NEMP2: variants seen among roughly 807,000 people sequenced by gnomAD.
The protein encoded by NEMP2 is UPF0571 transmembrane protein.
A neutral mutation model predicts 54.2 loss-of-function variants in NEMP2; 53 were observed. The observed-to-expected ratio is 0.98, with a 90% CI of 0.78 to 1.23. The LOEUF (loss-of-function observed/expected upper bound fraction) is 1.23. NEMP2 is among the 50% of genes most tolerant of loss of function. The pLI is 0.00. For synonymous variants in NEMP2, 197 were observed against 190.3 expected (o/e 1.04, Z -0.29); for missense variants, 455 against 511.3 (o/e 0.89, Z 1.06).
chr2:190,579,028 T>C, the NEMP2 span, among the ~76,000 whole-genome samples: 2 of 152,182 alleles, frequency 1.3e-5, no homozygotes, highest in African/African-American at 2.4e-5. Flanking sequence ...ATGTGTTTGC[T>C]TATATATTAT....
chr2:190,637,555 C>G, the NEMP2 span, among the ~76,000 whole-genome samples: 1 of 152,226 alleles, frequency 6.6e-6, no homozygotes, highest in African/African-American at 2.4e-5. This position sits in a 1 kb window ranked among gnomAD's most constrained non-coding sequence, Gnocchi z 4.5. Flanking sequence ...TAAGTTACTG[C>G]TCATGTTTAT....
chr2:190,496,695 CAT>C, the NEMP2 span, among the ~76,000 whole-genome samples: 1 of 151,526 alleles, frequency 6.6e-6, no homozygotes, highest in Non-Finnish European at 1.5e-5. This position sits in a 1 kb window ranked among gnomAD's most constrained non-coding sequence, Gnocchi z 4.7. Context: ...CACACACACA[CAT>C]ATACATACAT....
At chr2:190,551,952 A>T in the NEMP2 span, among the ~76,000 whole-genome samples, 4 of 152,050 alleles carry the variant, frequency 2.6e-5, no homozygotes, top group Non-Finnish European at 5.9e-5. Flanking sequence ...CTCCATTTTG[A>T]TTCCACTTGG....
At chr2:190,516,637 T>C (rs1690568431) in intron 5 of NEMP2, among the ~76,000 whole-genome samples, 1 of 152,128 alleles carries the variant, frequency 6.6e-6, no homozygotes, top group Admixed American at 6.6e-5. Context: ...TCAACAAGAT[T>C]CCCATCTAGC....
chr2:190,516,113 G>A (rs1690546665), intron 6 of NEMP2, among the ~76,000 whole-genome samples, 157 bp downstream of exon 6: 1 of 152,088 alleles, frequency 6.6e-6, no homozygotes, highest in Admixed American at 6.6e-5. Context: ...CAACAACAAT[G>A]GGAATAAGAT....
At chr2:190,544,731 G>T in the NEMP2 span, among the ~76,000 whole-genome samples, 151 of 152,172 alleles carry the variant, frequency 9.9e-4, no homozygotes, top group African/African-American at 3.4e-3. Context: ...CAAATACAGT[G>T]CATCTAAGAG....
chr2:190,630,609 A>G, the NEMP2 span, among the ~76,000 whole-genome samples: 1 of 152,040 alleles, frequency 6.6e-6, no homozygotes, highest in Non-Finnish European at 1.5e-5. This position sits in a 1 kb window ranked among gnomAD's most constrained non-coding sequence, Gnocchi z 5.5. Flanking sequence ...AAATCCTTAA[A>G]TCTTTTTTTT....
chr2:190,630,476 A>G, the NEMP2 span, among the ~76,000 whole-genome samples: 9 of 152,148 alleles, frequency 5.9e-5, no homozygotes, highest in Admixed American at 1.3e-4. This position sits in a 1 kb window ranked among gnomAD's most constrained non-coding sequence, Gnocchi z 5.5. Context: ...TCAGCCTCCC[A>G]AAGTGCTGGG....
chr2:190,545,469 G>A, the NEMP2 span, among the ~76,000 whole-genome samples: 9 of 152,268 alleles, frequency 5.9e-5, no homozygotes, highest in East Asian at 5.8e-4. Context: ...GCAGATATCC[G>A]TTTAGTTTAA....
At chr2:190,582,920 G>A in the NEMP2 span, among the ~76,000 whole-genome samples, 1 of 152,160 alleles carries the variant, frequency 6.6e-6, no homozygotes, top group Admixed American at 6.5e-5. The surrounding 1 kb of genome is among the most constrained non-coding windows in gnomAD (Gnocchi z 4.6). Context: ...GTCTGGTCAG[G>A]CCCTGACACT....
chr2:190,450,258 A>G, the NEMP2 span, among the ~76,000 whole-genome samples: 1 of 152,118 alleles, frequency 6.6e-6, no homozygotes, highest in Non-Finnish European at 1.5e-5. Flanking sequence ...GCAGACTGCA[A>G]TTATATAATT....
At chr2:190,516,552 C>A (rs971159554) in intron 5 of NEMP2, among the ~76,000 whole-genome samples, 168 bp from the exon 6 acceptor site, 5 of 152,174 alleles carry the variant, frequency 3.3e-5, no homozygotes, top group African/African-American at 1.2e-4. Flanking sequence ...ATCAGCAACA[C>A]CGACATCACA....
chr2:190,474,674 C>T, the NEMP2 span, among the ~76,000 whole-genome samples: 1 of 152,164 alleles, frequency 6.6e-6, no homozygotes, highest in Non-Finnish European at 1.5e-5. Context: ...TGAAACTATT[C>T]CAATCAAGAG....
Position 190,520,337 on chromosome 2 carries a change from CAGA to C in NEMP2, c.214-1157_214-1155del, listed in dbSNP as rs1055153070. On this transcript the variant is annotated intron_variant, in intron 2 of 8. Coordinates refer to ENST00000409150, the MANE Select transcript of NEMP2 (RefSeq NM_001142645.2). This position sits in a 1 kb window ranked among gnomAD's most constrained non-coding sequence, Gnocchi z 5.4. The stretch of plus-strand genomic sequence containing the variant: ...CCAACCTCAGGTCCTATTCACATCA[CAGA>C]ACAAAGCACTAGCTACAAGCCGATG... Among the ~76,000 whole-genome samples, 31 of 152,210 alleles carry C rather than the reference CAGA, an allele frequency of 2.0e-4. No homozygotes were observed. The highest frequency in any genetic ancestry group is 5.9e-4 in the Admixed American group (9 of 15,282).
Position 190,521,315 on chromosome 2 carries a change from T to G in NEMP2, c.214-2132A>C, listed in dbSNP as rs777924805. 1.1e-4 allele frequency among the ~76,000 whole-genome samples: 16 copies of G among 152,144 alleles called. No homozygotes were observed. Among genetic ancestry groups the G allele is most frequent in the Non-Finnish European group, 2.1e-4 (14 of 68,024 alleles). On this transcript the variant is annotated intron_variant, in intron 2 of 8. Transcript: ENST00000409150. This position sits in a 1 kb window ranked among gnomAD's most constrained non-coding sequence, Gnocchi z 6.2. ...TCCTATCTGCAAAGCCACCTACCTG[T>G]CAGCACCTGCAGGCACATGCTCTGC...
chr2:190,604,154 T>C, the NEMP2 span, among the ~76,000 whole-genome samples: 2 of 152,178 alleles, frequency 1.3e-5, no homozygotes, highest in Non-Finnish European at 2.9e-5. The surrounding 1 kb of genome is among the most constrained non-coding windows in gnomAD (Gnocchi z 4.5). Flanking sequence ...GCCTCCTTCC[T>C]TCTCTCCCCC....
chr2:190,554,466 G>A, the NEMP2 span, among the ~76,000 whole-genome samples: 2 of 152,198 alleles, frequency 1.3e-5, no homozygotes, highest in African/African-American at 4.8e-5. The surrounding 1 kb of genome is among the most constrained non-coding windows in gnomAD (Gnocchi z 5.7). Context: ...GGAGCTTGGT[G>A]GAGGGAAGGG....
At position 190,519,006 on chromosome 2, in the gene NEMP2, A is replaced by T; in HGVS notation, c.391T>A (p.Ser131Thr). The change falls in exon 3 of 9, where the codon TCT becomes ACT. Residue 131 changes from serine to threonine, a missense_variant. Ser to Thr is a moderately conservative substitution (Grantham distance 58). Around this residue, in one of 3 missense-constraint regions of NEMP2, gnomAD observed 61 missense variants for 97.5 expected, o/e 0.63. Coordinates refer to ENST00000409150, the MANE Select transcript of NEMP2 (RefSeq NM_001142645.2). This position sits in a 1 kb window ranked among gnomAD's most constrained non-coding sequence, Gnocchi z 5.4. ...INPYRETVCF[S>T]VEPVKKIFNY... Reference sequence around the variant, plus strand: ...AATATCTTCTTGACAGGCTCCACAGAGAAGCACACAGTCTCCCTGTATGGA... The same window carrying T: ...AATATCTTCTTGACAGGCTCCACAGTGAAGCACACAGTCTCCCTGTATGGA... The T allele has an allele frequency of 6.4e-7, 1 of 1,551,442 alleles. No homozygotes were observed.
chr2:190,633,016 T>C, the NEMP2 span, among the ~76,000 whole-genome samples: 1 of 152,194 alleles, frequency 6.6e-6, no homozygotes, highest in Non-Finnish European at 1.5e-5. Context: ...CATTCTTTAC[T>C]TCTTTGTGCA....
Sources: allele counts gnomAD v4.1 joint callset (sites outside exome capture counted in the v4.1 genomes callset), GRCh38; gene constraint gnomAD v4.1.1; regional missense constraint gnomAD v4.1.1; non-coding constraint Gnocchi (gnomAD v3.1); transcripts MANE v1.5; gene names NCBI Gene and HGNC (gene_info 2026-07-23, HGNC 2026-07-21).